Variants in WNT3 observed in about 807,000 individuals in gnomAD.
WNT3 encodes proto-oncogene Wnt-3.
In WNT3, 7 loss-of-function variants were observed where a neutral mutation model predicts 34.2. The observed-to-expected ratio is 0.20, with a 90% confidence interval of 0.12 to 0.38. The LOEUF (loss-of-function observed/expected upper bound fraction) is 0.38. Among genes scored for constraint, WNT3 ranks in the 10% least tolerant of loss-of-function variants. The probability of loss-of-function intolerance (pLI) is 1.00; values close to 1 mark genes in which losing one functional copy is unlikely to be tolerated. For synonymous variants in WNT3, 212 were observed against 211.5 expected (o/e 1.00, Z -0.02); for missense variants, 267 against 499.8 (o/e 0.53, Z 4.44).
Position 46,768,838 on chromosome 17 carries a change from C to A in WNT3, c.589-39G>T, listed in dbSNP as rs1414687545. 6.2e-7 allele frequency: 1 copy of A among 1,602,592 alleles called. No homozygotes were observed. The highest frequency in any genetic ancestry group is 2.2e-5 in the East Asian group (1 of 44,820). On this transcript the variant is annotated intron_variant, in intron 3 of 4. Coordinates refer to ENST00000225512, the MANE Select transcript of WNT3 (RefSeq NM_030753.5). The surrounding 1 kb of genome is among the most constrained non-coding windows in gnomAD (Gnocchi z 5.0). ...GTGGCAGCTGGCCAACAGACCGACC[C>A]CACGAGGGGGCACATCCAGGCCTTC...
chr17:46,765,681 T>C (rs1032642468), intron 4 of WNT3, among the ~76,000 whole-genome samples: 1 of 152,218 alleles, frequency 6.6e-6, no homozygotes, highest in African/African-American at 2.4e-5. Flanking sequence ...CTGGGCCCAT[T>C]GCTCCAGAGC....
intron 1 of WNT3, among the ~76,000 whole-genome samples, chr17:46,800,028 AGAGT>A (rs2084104632): frequency 6.7e-6 from 1 of 149,728 alleles, no homozygotes; most frequent in Non-Finnish European, 1.5e-5. Context: ...GCTGTCCCAG[AGAGT>A]GGGGACCAGC....
intron 1 of WNT3, among the ~76,000 whole-genome samples, chr17:46,787,703 C>A (rs543933583): frequency 1.3e-5 from 2 of 152,194 alleles, no homozygotes; most frequent in African/African-American, 4.8e-5. Flanking sequence ...CCTGTATTCC[C>A]GGCACTTTGG....
chr17:46,810,237 AC>A (rs1188884054), intron 1 of WNT3, among the ~76,000 whole-genome samples: 1 of 151,732 alleles, frequency 6.6e-6, no homozygotes, highest in Admixed American at 6.6e-5. Context: ...CAAACTCCTG[AC>A]CTCAGGTGAT....
intron 1 of WNT3, among the ~76,000 whole-genome samples, chr17:46,798,269 T>G (rs1286556149): frequency 6.6e-6 from 1 of 152,122 alleles, no homozygotes; most frequent in Non-Finnish European, 1.5e-5. Context: ...ATAGGTAAAA[T>G]TCAGGATGTG....
At chr17:46,779,479 A>G (rs1308029145) in intron 1 of WNT3, among the ~76,000 whole-genome samples, 1 of 152,094 alleles carries the variant, frequency 6.6e-6, no homozygotes, top group Non-Finnish European at 1.5e-5. Flanking sequence ...AAGCCGGCTC[A>G]TCCTCCACTC....
In WNT3 at chr17:46,762,889, G is replaced by T. The variant is rs1359806718; in HGVS notation, c.*1741C>A. 6.6e-6 allele frequency: 1 copy of T among 152,176 alleles called. No homozygotes were observed. The highest frequency in any genetic ancestry group is 1.9e-4 in the East Asian group (1 of 5,202). The allele number at this position is 152,176 out of a possible 1,614,324, so 9.4% of individuals were successfully genotyped here. On this transcript the variant is annotated 3_prime_UTR_variant, in exon 5 of 5. Transcript: ENST00000225512. ...AATATAGAATACATAGATATGAAAA[G>T]ATTGTTTTGAAAATTCGTATCCATT...
At chr17:46,796,355 G>A (rs2084054637) in intron 1 of WNT3, among the ~76,000 whole-genome samples, 1 of 152,216 alleles carries the variant, frequency 6.6e-6, no homozygotes, top group South Asian at 2.1e-4. Flanking sequence ...CTGTTTGTGT[G>A]CTTGCCGCAT....
In WNT3 at chr17:46,769,915, G is replaced by A. The variant is rs1297837317; in HGVS notation, c.456C>T (p.Gly152=). The A allele has an allele frequency of 4.3e-6, 7 of 1,613,456 alleles. No individual in the cohort carries two copies. In the African/African-American group the frequency reaches 6.7e-5, roughly 15 times the overall value. Residue 152 remains glycine, a synonymous_variant, in exon 3 of 5, where the codon GGC becomes GGT. Coordinates refer to ENST00000225512, the MANE Select transcript of WNT3 (RefSeq NM_030753.5). Reference sequence around the variant, plus strand: ...CCTCGCTGCAGCCGCCCCACTTCCAGCCTTCGCCAGGCGGCCCCTTATGAT... The same window carrying A: ...CCTCGCTGCAGCCGCCCCACTTCCAACCTTCGCCAGGCGGCCCCTTATGAT... ...DSHHKGPPGE[G]WKWGGCSEDA...
At chr17:46,814,781 A>G (rs145675175) in intron 1 of WNT3, among the ~76,000 whole-genome samples, 1 of 152,126 alleles carries the variant, frequency 6.6e-6, no homozygotes, top group Non-Finnish European at 1.5e-5. Context: ...TTGACTGAAC[A>G]TGTTCACAAG....
rs1489695863 is a variant in WNT3, at chr17:46,768,231, C to T, written c.*8+81G>A. The T allele has an allele frequency of 5.0e-6, 8 of 1,584,870 alleles. No individual in the cohort carries two copies. Among genetic ancestry groups the T allele is most frequent in the Admixed American group, 1.7e-5 (1 of 57,966 alleles). ...GGATAGCTTAGAAACAGAAGGGGGT[C>T]GTCAAGAAGACGAGATGGGCAAACA... On this transcript the variant is annotated intron_variant, in intron 4 of 4. Coordinates refer to ENST00000225512, the MANE Select transcript of WNT3 (RefSeq NM_030753.5). This position sits in a 1 kb window ranked among gnomAD's most constrained non-coding sequence, Gnocchi z 5.0.
intron 1 of WNT3, among the ~76,000 whole-genome samples, chr17:46,814,446 G>T (rs556921180): frequency 2.0e-5 from 3 of 152,316 alleles, no homozygotes; most frequent in African/African-American, 4.8e-5. Context: ...AATGGGGGCG[G>T]GGTGAGCGGG....
At chr17:46,803,146 C>T (rs574686814) in intron 1 of WNT3, among the ~76,000 whole-genome samples, 2 of 152,320 alleles carry the variant, frequency 1.3e-5, no homozygotes, top group East Asian at 1.9e-4. Flanking sequence ...TTGGTGTATG[C>T]ACGCATTTGG....
chr17:46,786,904 T>C (rs937644004), intron 1 of WNT3, among the ~76,000 whole-genome samples: 14 of 152,006 alleles, frequency 9.2e-5, no homozygotes, highest in Admixed American at 3.9e-4. Context: ...AGTACAAAGA[T>C]AGATGTTCAG....
intron 2 of WNT3, among the ~76,000 whole-genome samples, chr17:46,771,758 CCCCCGCGCCGCGCCGCGCCG>C (rs2059373855): frequency 3.3e-5 from 1 of 30,478 alleles, no homozygotes; most frequent in African/African-American, 9.5e-5. Context: ...GCGCCCCCCG[CCCCCGCGCCGCGCCGCGCCG>C]CGCCGCGCCG....
At chr17:46,803,424 C>T (rs2084152122) in intron 1 of WNT3, among the ~76,000 whole-genome samples, 1 of 152,156 alleles carries the variant, frequency 6.6e-6, no homozygotes, top group South Asian at 2.1e-4. Context: ...ATCCCAGCTA[C>T]TCGCAAGGCT....
At chr17:46,789,593 C>CT (rs1318719036) in intron 1 of WNT3, among the ~76,000 whole-genome samples, 1 of 74,316 alleles carries the variant, frequency 1.3e-5, no homozygotes, top group Non-Finnish European at 3.1e-5. Flanking sequence ...GAGAGGTAAC[C>CT]TCTCAGGGAA....
At chr17:46,772,806 C>T (rs999977655) in intron 2 of WNT3, among the ~76,000 whole-genome samples, 3 of 143,662 alleles carry the variant, frequency 2.1e-5, no homozygotes, top group African/African-American at 2.5e-5. Flanking sequence ...ACCTGAACGT[C>T]AGATCCCTTT....
At chr17:46,790,632 T>C (rs1470431515) in intron 1 of WNT3, among the ~76,000 whole-genome samples, 1 of 152,126 alleles carries the variant, frequency 6.6e-6, no homozygotes, top group Non-Finnish European at 1.5e-5. Flanking sequence ...GTCCCCTGTT[T>C]TCCAACCTCT....
Sources: gnomAD v4.1 joint callset for allele counts (sites outside exome capture counted in the v4.1 genomes callset) on GRCh38, gnomAD v4.1.1 for gene constraint, Gnocchi (gnomAD v3.1) non-coding constraint, MANE v1.5 for transcripts, NCBI Gene and HGNC (gene_info 2026-07-23, HGNC 2026-07-21) for gene names.